ANKS1A: variants seen among roughly 807,000 people sequenced by gnomAD.
ANKS1A encodes ankyrin repeat and SAM domain-containing protein 1A.
In ANKS1A, 55 loss-of-function variants were observed where a neutral mutation model predicts 120.3. That is an observed-to-expected ratio of 0.46 (90% CI 0.37 to 0.57). The LOEUF (loss-of-function observed/expected upper bound fraction) is 0.57, where lower values mean the gene tolerates loss of function less well. ANKS1A is among the 20% of genes least tolerant of loss of function. ANKS1A has a pLI of 0.00. For missense variants in ANKS1A, 1,123 were observed against 1,480.3 expected (o/e 0.76, Z 3.96); for synonymous variants, 590 against 604.7 (o/e 0.98, Z 0.36).
Position 35,090,589 on chromosome 6 carries a change from G to A in ANKS1A, c.*1980G>A, listed in dbSNP as rs1282070719. ...TAGCTCTGGGTTCTGTTTAGAGATTGGTTTATTTCTGAATATTCAAGAAAG... is the reference window on the plus strand; with the variant it reads ...TAGCTCTGGGTTCTGTTTAGAGATTAGTTTATTTCTGAATATTCAAGAAAG... On this transcript the variant is annotated 3_prime_UTR_variant, in exon 24 of 24. Transcript: ENST00000360359. 1.7e-5 allele frequency: 17 copies of A among 992,906 alleles called. No homozygotes were observed. Among genetic ancestry groups the A allele is most frequent in the Non-Finnish European group, 1.8e-5 (15 of 834,634 alleles). 61.5% of individuals were successfully genotyped at this position (992,906 alleles called of 1,614,324 possible).
intron 20 of ANKS1A, 67 bp downstream of exon 20, chr6:35,083,570 AG>A (rs1777801651): frequency 1.3e-6 from 2 of 1,500,244 alleles, no homozygotes; most frequent in Non-Finnish European, 1.9e-6. Context: ...ACAGGGCTCC[AG>A]GGCAAGCAAC....
intron 1 of ANKS1A, among the ~76,000 whole-genome samples, chr6:34,954,842 T>G (rs1285389667): frequency 2.6e-5 from 4 of 152,194 alleles, no homozygotes; most frequent in Admixed American, 6.5e-5. Context: ...CTTCTTCTGG[T>G]GTTTCCTCCA....
In ANKS1A at chr6:34,914,864, A is replaced by C. The variant is rs1337475907; in HGVS notation, c.197+25265A>C. On this transcript the variant is annotated intron_variant, in intron 1 of 23. Transcript: ENST00000360359. ...AGTGTGGGAGCAGGGGCAGCAGTAA[A>C]GTTGTCTCTTCCTGGTGGTCTTATA... Among the ~76,000 whole-genome samples, 6 of 152,164 alleles carry C rather than the reference A, an allele frequency of 3.9e-5. No individual in the cohort carries two copies. The South Asian group carries it at 1.0e-3, about 26-fold the overall frequency.
rs867896035 is a variant in ANKS1A at position 34,952,079 on chromosome 6, G to A, written c.198-15160G>A. Among the ~76,000 whole-genome samples the A allele has an allele frequency of 4.5e-4, 68 of 152,318 alleles. 1 individual carries two copies. The highest frequency in any genetic ancestry group is 1.2e-3 in the South Asian group (6 of 4,832). On this transcript the variant is annotated intron_variant, in intron 1 of 23. Transcript: ENST00000360359. ...TCTCAGGAAGCTATATGGCATGGTG[G>A]TGAAGATTTTGAGTTAAACCCAATG... is the stretch of plus-strand genomic sequence containing the variant.
At chr6:35,026,636 GAGCA>G (rs569222750) in intron 11 of ANKS1A, among the ~76,000 whole-genome samples, 32 of 152,246 alleles carry the variant, frequency 2.1e-4, no homozygotes, top group Non-Finnish European at 4.4e-4. Context: ...GGACGTGAAG[GAGCA>G]AGCTGTGCAT....
rs1201543945 is a variant in ANKS1A at position 35,041,695 on chromosome 6, C to A, written c.2011-12404C>A. 2.0e-5 allele frequency among the ~76,000 whole-genome samples: 3 copies of A among 152,174 alleles called. 1 individual carries two copies. The highest frequency in any genetic ancestry group is 4.4e-5 in the Non-Finnish European group (3 of 68,030). ...TGTTGCATGTTGCTGCCCATATAGGCAATGGATTTTCTCAGGAGTCCTCAC... is the reference window on the plus strand; with the variant it reads ...TGTTGCATGTTGCTGCCCATATAGGAAATGGATTTTCTCAGGAGTCCTCAC... On this transcript the variant is annotated intron_variant, in intron 11 of 23. Coordinates refer to ENST00000360359, the MANE Select transcript of ANKS1A (RefSeq NM_015245.3).
At position 35,089,780 on chromosome 6, in the gene ANKS1A, G is replaced by C; in HGVS notation, c.*1171G>C. 9.8e-7 allele frequency: 1 copy of C among 1,022,130 alleles called. No individual in the cohort carries two copies. Among genetic ancestry groups the C allele is most frequent in the Non-Finnish European group, 1.2e-6 (1 of 852,882 alleles). 63.3% of individuals were successfully genotyped at this position (1,022,130 alleles called of 1,614,324 possible). On this transcript the variant is annotated 3_prime_UTR_variant, in exon 24 of 24. Transcript: ENST00000360359. ...GGGTTGCATTCTTCCCTCTGGACTAGAGTAGAAATGCAGGGGAAACTGCTG... is the reference window on the plus strand; with the variant it reads ...GGGTTGCATTCTTCCCTCTGGACTACAGTAGAAATGCAGGGGAAACTGCTG...
chr6:35,070,118 T>C (rs977515957), intron 13 of ANKS1A, among the ~76,000 whole-genome samples: 6 of 151,176 alleles, frequency 4.0e-5, no homozygotes, highest in Non-Finnish European at 7.4e-5. Flanking sequence ...TCCCAAAGTG[T>C]TGGGATTATA....
intron 13 of ANKS1A, among the ~76,000 whole-genome samples, chr6:35,073,353 C>T (rs532093633): frequency 1.3e-3 from 201 of 152,326 alleles, no homozygotes; most frequent in African/African-American, 4.7e-3. Context: ...AGCCAGGCCG[C>T]CAGGGGCCAT....
intron 1 of ANKS1A, among the ~76,000 whole-genome samples, chr6:34,910,780 G>C (rs1490641751): frequency 6.7e-6 from 1 of 149,286 alleles, no homozygotes; most frequent in Non-Finnish European, 1.5e-5. Flanking sequence ...AGAATCACTT[G>C]AATTCAGGAG....
chr6:35,069,460 T>C (rs1262755181), intron 13 of ANKS1A, among the ~76,000 whole-genome samples: 1 of 152,116 alleles, frequency 6.6e-6, no homozygotes, highest in African/African-American at 2.4e-5. Context: ...CTTTCACCCC[T>C]GTCTACAGTG....
chr6:34,981,568 A>T, intron 3 of ANKS1A, 122 bp from the exon 4 acceptor site: 1 of 1,065,462 alleles, frequency 9.4e-7, no homozygotes, highest in Non-Finnish European at 1.3e-6. Flanking sequence ...GACTTTTATT[A>T]GCCCCCAAGT....
At chr6:34,893,175 T>A (rs1017490209) in intron 1 of ANKS1A, among the ~76,000 whole-genome samples, 1 of 152,214 alleles carries the variant, frequency 6.6e-6, no homozygotes, top group Non-Finnish European at 1.5e-5. Context: ...TCTTAGATAA[T>A]GTGTGTACGG....
Position 35,083,429 on chromosome 6 carries a change from C to T in ANKS1A, c.2920C>T (p.His974Tyr). The change falls in exon 20 of 24, where the codon CAC becomes TAC. Residue 974 changes from histidine to tyrosine, a missense_variant. Physicochemically the swap from His to Tyr is moderately conservative, Grantham distance 83. Around this residue, in one of 3 missense-constraint regions of ANKS1A, gnomAD observed 904 missense variants for 1,130.4 expected, o/e 0.80. Transcript: ENST00000360359. ...ACAKMRKSTE[H>Y]MKKIPTIILS... ...TTGTTTCCTGTAGAAATCTACGGAG[C>T]ACATGAAGAAGATCCCCACCATCAT... 1 of 1,614,034 alleles carries T rather than the reference C, an allele frequency of 6.2e-7. No individual in the cohort carries two copies. The highest frequency in any genetic ancestry group is 8.5e-7 in the Non-Finnish European group (1 of 1,179,960).
chr6:35,085,262 T>C lies in ANKS1A; in HGVS notation c.3133-504T>C, dbSNP rs2127614791. Among the ~76,000 whole-genome samples, 1 of 152,264 alleles carries C rather than the reference T, an allele frequency of 6.6e-6. No individual in the cohort carries two copies. Among genetic ancestry groups the C allele is most frequent in the Admixed American group, 6.5e-5 (1 of 15,310 alleles). ...GGTCCACACAGCACAGTCAGTGGCA[T>C]TTACCTGTTGCTGACTTTTCCCACA... On this transcript the variant is annotated intron_variant, in intron 21 of 23. Transcript: ENST00000360359. This position sits in a 1 kb window ranked among gnomAD's most constrained non-coding sequence, Gnocchi z 4.7.
At chr6:34,941,450 T>C (rs1318443602) in intron 1 of ANKS1A, among the ~76,000 whole-genome samples, 1 of 152,066 alleles carries the variant, frequency 6.6e-6, no homozygotes, top group African/African-American at 2.4e-5. Context: ...TATTTTTTTA[T>C]AGAGATAGGA....
In ANKS1A at chr6:35,083,550, C is replaced by T. The variant is rs771306624; in HGVS notation, c.2994+47C>T. ...TTGGTGGGAGTGGGACCCACATCCC[C>T]GTCAGACCCACAGGGCTCCAGGGCA... On this transcript the variant is annotated intron_variant, in intron 20 of 23. Coordinates refer to ENST00000360359, the MANE Select transcript of ANKS1A (RefSeq NM_015245.3). 26 of 1,583,176 alleles carry T rather than the reference C, an allele frequency of 1.6e-5. No individual in the cohort carries two copies. In the South Asian group the frequency reaches 1.9e-4, roughly 11 times the overall value.
intron 1 of ANKS1A, among the ~76,000 whole-genome samples, chr6:34,907,317 G>C (rs1198378841): frequency 5.9e-5 from 9 of 152,110 alleles, no homozygotes; most frequent in Non-Finnish European, 1.2e-4. Context: ...CTTAAGTTTT[G>C]ATCAATGATT....
chr6:35,029,408 G>A (rs943688808), intron 11 of ANKS1A, among the ~76,000 whole-genome samples: 14 of 148,972 alleles, frequency 9.4e-5, no homozygotes, highest in African/African-American at 3.5e-4. Flanking sequence ...GAGTGCAGTG[G>A]CACAAACTTG....
Sources: allele counts gnomAD v4.1 joint callset (sites outside exome capture counted in the v4.1 genomes callset), GRCh38; gene constraint gnomAD v4.1.1; regional missense constraint gnomAD v4.1.1; non-coding constraint Gnocchi (gnomAD v3.1); transcripts MANE v1.5; gene names NCBI Gene and HGNC (gene_info 2026-07-23, HGNC 2026-07-21).